Variants in PPP2R5C observed in about 807,000 individuals in gnomAD.
PPP2R5C encodes serine/threonine-protein phosphatase 2A 56 kDa regulatory subunit gamma isoform.
A neutral mutation model predicts 68.9 loss-of-function variants in PPP2R5C; 7 were observed. That is an observed-to-expected ratio of 0.10 (90% CI 0.06 to 0.19). The LOEUF (loss-of-function observed/expected upper bound fraction) is 0.19, where lower values mean the gene tolerates loss of function less well. Ranked by LOEUF, PPP2R5C falls within the 10% of genes least tolerant of loss-of-function variation. The probability of loss-of-function intolerance (pLI) is 1.00; values close to 1 mark genes in which losing one functional copy is unlikely to be tolerated. For missense variants in PPP2R5C, 348 were observed against 641.3 expected (o/e 0.54, Z 4.94); for synonymous variants, 210 against 222.2 (o/e 0.95, Z 0.49).
chr14:101,904,763 G>T (rs1364504478), intron 9 of PPP2R5C, among the ~76,000 whole-genome samples: 1 of 152,220 alleles, frequency 6.6e-6, no homozygotes, highest in Non-Finnish European at 1.5e-5. Flanking sequence ...GCCCCATGCT[G>T]CTCAGAGCCT....
At chr14:101,820,933 T>C (rs2040013606) in intron 1 of PPP2R5C, 1 of 152,092 alleles carries the variant, frequency 6.6e-6, no homozygotes, top group Admixed American at 6.5e-5. Flanking sequence ...CAAAGCTCTT[T>C]AGGGTTCTCC....
intron 2 of PPP2R5C, among the ~76,000 whole-genome samples, chr14:101,772,429 C>T (rs1304739994): frequency 2.0e-5 from 3 of 152,010 alleles, no homozygotes; most frequent in African/African-American, 7.2e-5. Flanking sequence ...CCTAGTCTTT[C>T]TTTATAGACA....
At position 101,917,070 on chromosome 14, in the gene PPP2R5C, G is replaced by A. The variant is rs2046712613; in HGVS notation, c.1327-761G>A. The stretch of plus-strand genomic sequence containing the variant: ...AGCAGACGCTCGTCACAGTCATACT[G>A]TCCTGTGCACCCTGTCTCATGGAAC... On this transcript the variant is annotated intron_variant, in intron 12 of 13. Transcript: ENST00000334743. This position sits in a 1 kb window ranked among gnomAD's most constrained non-coding sequence, Gnocchi z 4.4. 6.6e-6 allele frequency among the ~76,000 whole-genome samples: 1 copy of A among 152,142 alleles called. No homozygotes were observed. The highest frequency in any genetic ancestry group is 2.4e-5 in the African/African-American group (1 of 41,426).
intron 3 of PPP2R5C, among the ~76,000 whole-genome samples, chr14:101,803,042 C>T (rs2038935042): frequency 6.6e-6 from 1 of 151,306 alleles, no homozygotes; most frequent in Admixed American, 6.6e-5. Context: ...TGGTGAAACT[C>T]CATCTCTACT....
chr14:101,854,192 T>G (rs1467001544), intron 1 of PPP2R5C, among the ~76,000 whole-genome samples: 1 of 152,176 alleles, frequency 6.6e-6, no homozygotes, highest in Non-Finnish European at 1.5e-5. Flanking sequence ...GTTCTCATGG[T>G]GTTTTAGGAT....
chr14:101,844,993 G>A (rs1373881198), intron 1 of PPP2R5C, among the ~76,000 whole-genome samples: 2 of 152,184 alleles, frequency 1.3e-5, no homozygotes, highest in Non-Finnish European at 2.9e-5. Flanking sequence ...TTAGTAATCA[G>A]TGCCCTGGGT....
At chr14:101,816,950 A>G (rs1056434124) in intron 1 of PPP2R5C, among the ~76,000 whole-genome samples, 7 of 142,002 alleles carry the variant, frequency 4.9e-5, no homozygotes, top group African/African-American at 1.8e-4. Flanking sequence ...TAAAAATATT[A>G]TATATGTATA....
chr14:101,819,222 G>A, intron 1 of PPP2R5C: 1 of 725,618 alleles, frequency 1.4e-6, no homozygotes, highest in South Asian at 1.8e-5. Flanking sequence ...AAGGGGGGTA[G>A]CACTTGATAA....
Position 101,899,965 on chromosome 14 carries a change from C to T in PPP2R5C, c.853-1754C>T, listed in dbSNP as rs144670836. Among the ~76,000 whole-genome samples, 1,566 of 152,234 alleles carry T rather than the reference C, an allele frequency of 0.01. 26 individuals are homozygous for T. The highest frequency in any genetic ancestry group is 0.035 in the African/African-American group (1,471 of 41,534). On this transcript the variant is annotated intron_variant, in intron 8 of 13. Transcript: ENST00000334743. This position sits in a 1 kb window ranked among gnomAD's most constrained non-coding sequence, Gnocchi z 4.2. Reference sequence around the variant, plus strand: ...ACAGTGGCGCAGTCATGGCTCACTGCAGCCTCAACCTCCTGGGCTCAAGCA... The same window carrying T: ...ACAGTGGCGCAGTCATGGCTCACTGTAGCCTCAACCTCCTGGGCTCAAGCA...
Position 101,883,655 on chromosome 14 carries a change from C to T in PPP2R5C, c.629+93C>T, listed in dbSNP as rs1324735771. The T allele has an allele frequency of 4.8e-6, 7 of 1,468,734 alleles. No homozygotes were observed. In the East Asian group the frequency reaches 1.6e-4, roughly 33 times the overall value. The allele number at this position is 1,468,734 out of a possible 1,614,324, so 91.0% of individuals were successfully genotyped here. A position where few individuals can be genotyped will look rare whatever the true frequency, so the allele number is the denominator to read the frequency against. On this transcript the variant is annotated intron_variant, in intron 5 of 13. Coordinates refer to ENST00000334743, the Ensembl canonical transcript of PPP2R5C. ...TACCCCATCGTCTCCTCTGACAGGA[C>T]TCAGCATGTGGAGGGGGTTTCTCAA... is the stretch of plus-strand genomic sequence containing the variant.
intron 11 of PPP2R5C, among the ~76,000 whole-genome samples, chr14:101,910,794 C>T (rs1284316720): frequency 6.6e-6 from 1 of 151,072 alleles, no homozygotes; most frequent in Non-Finnish European, 1.5e-5. Context: ...AATGAAACCC[C>T]GTCTCTACTA....
intron 2 of PPP2R5C, among the ~76,000 whole-genome samples, chr14:101,864,903 C>T (rs1317512809): frequency 2.6e-5 from 4 of 152,054 alleles, no homozygotes; most frequent in South Asian, 2.1e-4. Flanking sequence ...GTCAGAATGA[C>T]GCATGAAGGG....
At chr14:101,900,661 G>C (rs1468371260) in intron 8 of PPP2R5C, among the ~76,000 whole-genome samples, 1 of 152,238 alleles carries the variant, frequency 6.6e-6, no homozygotes, top group African/African-American at 2.4e-5. Flanking sequence ...TCAGTATTTT[G>C]TACTGGTATG....
At chr14:101,800,865 T>C (rs8005302) in intron 3 of PPP2R5C, among the ~76,000 whole-genome samples, 18,817 of 152,196 alleles carry the variant, frequency 0.12, 1,295 homozygotes, top group Admixed American at 0.18. Context: ...GTAGGACATA[T>C]AGACAATGGA....
intron 2 of PPP2R5C, among the ~76,000 whole-genome samples, chr14:101,775,726 A>T (rs527744227): frequency 2.0e-5 from 3 of 152,246 alleles, no homozygotes; most frequent in African/African-American, 7.2e-5. Context: ...CAGTCCACCT[A>T]CCCTGGCTAG....
At chr14:101,831,730 G>A (rs1406066209) in intron 1 of PPP2R5C, 2 of 702,054 alleles carry the variant, frequency 2.8e-6, no homozygotes, top group South Asian at 1.5e-5. Context: ...CGAGACCTAT[G>A]TATACAGAGG....
In PPP2R5C at chr14:101,917,129, C is replaced by G. The variant is rs142165063; in HGVS notation, c.1327-702C>G. Among the ~76,000 whole-genome samples the G allele has an allele frequency of 3.1e-3, 477 of 152,250 alleles. No individual in the cohort carries two copies. Among genetic ancestry groups the G allele is most frequent in the Non-Finnish European group, 5.4e-3 (370 of 68,012 alleles). On this transcript the variant is annotated intron_variant, in intron 12 of 13. Transcript: ENST00000334743. This position sits in a 1 kb window ranked among gnomAD's most constrained non-coding sequence, Gnocchi z 4.4. ...CCACCCTCCGGGGTGACCTTACCCC[C>G]GCACTACACTCATGGAAATGGAGTC... is the stretch of plus-strand genomic sequence containing the variant.
At position 101,781,769 on chromosome 14, in the gene PPP2R5C, G is replaced by A. The variant is rs1170942732; in HGVS notation, c.94-4249G>A. Among the ~76,000 whole-genome samples, 1 of 151,828 alleles carries A rather than the reference G, an allele frequency of 6.6e-6. No individual in the cohort carries two copies. Among genetic ancestry groups the A allele is most frequent in the Non-Finnish European group, 1.5e-5 (1 of 67,916 alleles). On this transcript the variant is annotated intron_variant, in intron 2 of 14. Coordinates refer to the PPP2R5C transcript ENST00000328724. The surrounding 1 kb of genome is among the most constrained non-coding windows in gnomAD (Gnocchi z 6.4). Reference sequence around the variant, plus strand: ...GCCGATCTGGCCTCCTGCGTTGCGCGCTCCAACCCTCTGCTTGGCCGCCCG... The same window carrying A: ...GCCGATCTGGCCTCCTGCGTTGCGCACTCCAACCCTCTGCTTGGCCGCCCG...
intron 1 of PPP2R5C, chr14:101,843,816 AAG>A (rs1167082634): frequency 4.5e-6 from 1 of 222,488 alleles, no homozygotes; most frequent in Non-Finnish European, 9.2e-6. Context: ...AGATATTCTG[AAG>A]AGTTTCACAT....
Sources: gnomAD v4.1 joint callset for allele counts (sites outside exome capture counted in the v4.1 genomes callset) on GRCh38, gnomAD v4.1.1 for gene constraint, Gnocchi (gnomAD v3.1) non-coding constraint, MANE v1.5 for transcripts, NCBI Gene and HGNC (gene_info 2026-07-23, HGNC 2026-07-21) for gene names.